MFSD12: variants seen among roughly 807,000 people sequenced by gnomAD.
MFSD12 encodes major facilitator superfamily domain containing 12.
A neutral mutation model predicts 51.2 loss-of-function variants in MFSD12; 67 were observed. That is an observed-to-expected ratio of 1.31 (90% CI 1.08 to 1.60). The LOEUF (loss-of-function observed/expected upper bound fraction) is 1.60, where lower values mean the gene tolerates loss of function less well. Ranked by LOEUF, MFSD12 falls within the 40% of genes most tolerant of loss-of-function variation. The pLI, the probability that MFSD12 is intolerant of heterozygous loss-of-function variation, is 0.00. For missense variants in MFSD12, 921 were observed against 673.0 expected (o/e 1.37, Z -4.08); for synonymous variants, 441 against 316.7 (o/e 1.39, Z -4.17).
rs146311191 is a variant in MFSD12, at chr19:3,556,262, G to A, written c.298+844C>T. On this transcript the variant is annotated intron_variant, in intron 1 of 9. Coordinates refer to ENST00000355415, the MANE Select transcript of MFSD12 (RefSeq NM_174983.5). ...GTCCCAGTTGGTCACCCTAATAGAC[G>A]AGCTCAGGCTAGACAGACTGACAAA... Among the ~76,000 whole-genome samples, 4 of 152,302 alleles carry A rather than the reference G, an allele frequency of 2.6e-5. No individual in the cohort carries two copies. In the East Asian group the frequency reaches 5.8e-4, roughly 22 times the overall value.
chr19:3,549,384 G>C (rs979329274), intron 2 of MFSD12, among the ~76,000 whole-genome samples: 3 of 152,182 alleles, frequency 2.0e-5, no homozygotes, highest in Non-Finnish European at 4.4e-5. Flanking sequence ...AAGGGACTTC[G>C]CAGTGTGTTA....
chr19:3,547,551 T>G lies in MFSD12; in HGVS notation c.838-4A>C. The G allele has an allele frequency of 6.2e-7, 1 of 1,607,202 alleles. No individual in the cohort carries two copies. The highest frequency in any genetic ancestry group is 8.5e-7 in the Non-Finnish European group (1 of 1,177,116). On this transcript the variant is annotated splice_polypyrimidine_tract_variant and splice_region_variant and intron_variant, in intron 4 of 9. Transcript: ENST00000355415. ...TGGTCATGTACAGTATGCCCACCTG[T>G]GGGCAGACCGACAGAGGGACTGGCA...
Position 3,547,369 on chromosome 19 carries a change from G to T in MFSD12, c.931-5C>A. On this transcript the variant is annotated splice_region_variant and splice_polypyrimidine_tract_variant and intron_variant, in intron 5 of 9. Transcript: ENST00000355415. Reference sequence around the variant, plus strand: ...GGGAATGGTCGCGATGAACTTCTGCGGAGGCAGAGCCAGGCATGCCGTGTC... The same window carrying T: ...GGGAATGGTCGCGATGAACTTCTGCTGAGGCAGAGCCAGGCATGCCGTGTC... 1 of 1,613,142 alleles carries T rather than the reference G, an allele frequency of 6.2e-7. No homozygotes were observed.
chr19:3,551,025 G>C lies in MFSD12; in HGVS notation c.468C>G (p.Leu156=), dbSNP rs527683886. 9.3e-6 allele frequency: 15 copies of C among 1,612,738 alleles called. No individual in the cohort carries two copies. The Admixed American group carries it at 2.5e-4, about 27-fold the overall frequency. The change falls in exon 2 of 10, where the codon CTC becomes CTG. Residue 156 remains leucine (L), a synonymous_variant. Transcript: ENST00000355415. This position sits in a 1 kb window ranked among gnomAD's most constrained non-coding sequence, Gnocchi z 4.6. The part of the protein sequence containing the change: ...QISHLSLIPE[L]VTNDHEKVEL... ...CCACCTTCTCATGGTCGTTGGTGACGAGCTCCGGGATGAGGCTGAGGTGGG... is the reference window on the plus strand; with the variant it reads ...CCACCTTCTCATGGTCGTTGGTGACCAGCTCCGGGATGAGGCTGAGGTGGG...
intron 2 of MFSD12, among the ~76,000 whole-genome samples, chr19:3,549,548 T>C (rs374054813): frequency 4.0e-4 from 59 of 148,160 alleles, no homozygotes; most frequent in African/African-American, 1.3e-3. Flanking sequence ...GACGGTGAAA[T>C]CCCATCTCTA....
chr19:3,544,844 C>A lies in MFSD12; in HGVS notation c.1385G>T (p.Cys462Phe). ...GCGGGTCGGCCACAGCAGGAGGCTACAGAGACACAGGGCAGCGGCCACGCC... is the reference window on the plus strand; with the variant it reads ...GCGGGTCGGCCACAGCAGGAGGCTAAAGAGACACAGGGCAGCGGCCACGCC... ...GVGVAAALCL[C>F]SLLLWPTRLR... The change falls in exon 9 of 10, where the codon TGT (cysteine) becomes TTT (phenylalanine). Residue 462 changes from cysteine to phenylalanine, a missense_variant. By Grantham distance (205) the Cys-to-Phe change is radical (BLOSUM62 -2). Coordinates refer to ENST00000355415, the MANE Select transcript of MFSD12 (RefSeq NM_174983.5). 6.2e-7 allele frequency: 1 copy of A among 1,612,504 alleles called. No individual in the cohort carries two copies. The highest frequency in any genetic ancestry group is 8.5e-7 in the Non-Finnish European group (1 of 1,179,702).
downstream of MFSD12, chr19:3,543,082 T>C: frequency 1.3e-6 from 2 of 1,574,476 alleles, no homozygotes; most frequent in Middle Eastern, 1.7e-4. Context: ...GGGTGAGGGG[T>C]ACAGGGCTGA....
chr19:3,543,309 C>A, downstream of MFSD12: 1 of 1,549,258 alleles, frequency 6.5e-7, no homozygotes, highest in Middle Eastern at 1.8e-4. Context: ...AAGTACACGC[C>A]CATGGGACGG....
chr19:3,540,906 C>T (rs1347646977), downstream of MFSD12, among the ~76,000 whole-genome samples: 1 of 146,634 alleles, frequency 6.8e-6, no homozygotes, highest in Non-Finnish European at 1.5e-5. Context: ...CGCAGTGGCT[C>T]ACGCCTGTAA....
At chr19:3,547,417 G>A in intron 5 of MFSD12, 38 bp downstream of exon 5, 18 of 1,611,234 alleles carry the variant, frequency 1.1e-5, no homozygotes, top group Non-Finnish European at 1.5e-5. Flanking sequence ...CCAGGCTGGG[G>A]CCGTCCCATC....
At chr19:3,552,907 C>A (rs2031551459) in intron 1 of MFSD12, among the ~76,000 whole-genome samples, 1 of 152,166 alleles carries the variant, frequency 6.6e-6, no homozygotes. Context: ...CGGAGCCAGG[C>A]TCCTTCCCTG....
At position 3,551,227 on chromosome 19, in the gene MFSD12, G is replaced by C. The variant is rs1237763819; in HGVS notation, c.299-33C>G. The C allele has an allele frequency of 6.6e-7, 1 of 1,524,780 alleles. No homozygotes were observed. Among genetic ancestry groups the C allele is most frequent in the Non-Finnish European group, 8.9e-7 (1 of 1,127,792 alleles). The allele number at this position is 1,524,780 out of a possible 1,614,324, so 94.5% of individuals were successfully genotyped here. ...AGGCAGAGTGGTCAGTCGCGGGGCT[G>C]TCCCGCACCAGCCAGGGCTCCCAGG... On this transcript the variant is annotated intron_variant, in intron 1 of 9. Coordinates refer to ENST00000355415, the MANE Select transcript of MFSD12 (RefSeq NM_174983.5). This position sits in a 1 kb window ranked among gnomAD's most constrained non-coding sequence, Gnocchi z 4.6.
chr19:3,543,480 GCCCC>G, downstream of MFSD12: 1 of 1,337,302 alleles, frequency 7.5e-7, no homozygotes. Flanking sequence ...TCGGGTGAGT[GCCCC>G]CCCCCCCGCC....
At chr19:3,548,488 C>T (rs934038605) in intron 2 of MFSD12, among the ~76,000 whole-genome samples, 6 of 152,210 alleles carry the variant, frequency 3.9e-5, no homozygotes, top group African/African-American at 1.2e-4. Context: ...CTCCACCCTT[C>T]GTGCCCAGGA....
intron 1 of MFSD12, among the ~76,000 whole-genome samples, chr19:3,553,331 G>A (rs539106102): frequency 1.3e-5 from 2 of 152,226 alleles, no homozygotes; most frequent in Non-Finnish European, 2.9e-5. Flanking sequence ...ATAGTGGCCA[G>A]GAGTGGTGGA....
rs563593996 is a variant in MFSD12 at position 3,545,632 on chromosome 19, C to G, written c.1289+442G>C. Reference sequence around the variant, plus strand: ...GTTCACCTTTACACACCACCCACGCCGGTACCAACCACATGTTCACCTCTG... The same window carrying G: ...GTTCACCTTTACACACCACCCACGCGGGTACCAACCACATGTTCACCTCTG... On this transcript the variant is annotated intron_variant, in intron 8 of 9. Coordinates refer to ENST00000355415, the MANE Select transcript of MFSD12 (RefSeq NM_174983.5). 2.6e-3 allele frequency among the ~76,000 whole-genome samples: 397 copies of G among 152,356 alleles called. 2 individuals carry two copies. Among genetic ancestry groups the G allele is most frequent in the African/African-American group, 8.6e-3 (359 of 41,592 alleles).
chr19:3,555,866 G>A (rs1160708933), intron 1 of MFSD12, among the ~76,000 whole-genome samples: 1 of 152,232 alleles, frequency 6.6e-6, no homozygotes, highest in Non-Finnish European at 1.5e-5. Context: ...AGCAGGGAAG[G>A]AGGCCGGCTA....
At chr19:3,550,559 T>C (rs1041774700) in intron 2 of MFSD12, among the ~76,000 whole-genome samples, 1 of 152,092 alleles carries the variant, frequency 6.6e-6, no homozygotes, top group South Asian at 2.1e-4. Context: ...GCCCGGCTAA[T>C]TTTTTGTATT....
chr19:3,545,970 G>A, intron 8 of MFSD12, 104 bp downstream of exon 8: 1 of 1,229,138 alleles, frequency 8.1e-7, no homozygotes, highest in Admixed American at 1.7e-5. Flanking sequence ...GGTGTCTTTG[G>A]TCCACAGCTG....
Sources: allele counts gnomAD v4.1 joint callset (sites outside exome capture counted in the v4.1 genomes callset), GRCh38; gene constraint gnomAD v4.1.1; non-coding constraint Gnocchi (gnomAD v3.1); transcripts MANE v1.5; gene names NCBI Gene and HGNC (gene_info 2026-07-23, HGNC 2026-07-21).